ADAMTSL1: variants seen among roughly 807,000 people sequenced by gnomAD.
ADAMTSL1 encodes ADAMTS-like protein 1.
Under a neutral mutation model 201.8 loss-of-function variants are expected in ADAMTSL1, and 126 were observed. That is an observed-to-expected ratio of 0.62 (90% CI 0.54 to 0.72). The LOEUF (loss-of-function observed/expected upper bound fraction) is 0.72, where lower values mean the gene tolerates loss of function less well. Among genes scored for constraint, ADAMTSL1 ranks in the 30% least tolerant of loss-of-function variants. The pLI, the probability that ADAMTSL1 is intolerant of heterozygous loss-of-function variation, is 0.00. For synonymous variants in ADAMTSL1, 1,121 were observed against 903.4 expected (o/e 1.24, Z -4.32); for missense variants, 2,679 against 2,277.8 (o/e 1.18, Z -3.59).
chr9:18,563,331 G>A (rs35140301), intron 3 of ADAMTSL1, among the ~76,000 whole-genome samples: 38,650 of 152,080 alleles, frequency 0.25, 5,662 homozygotes, highest in Admixed American at 0.35. Flanking sequence ...CCTGGGTATC[G>A]GCAGCGGAGG....
intron 15 of ADAMTSL1, among the ~76,000 whole-genome samples, chr9:18,724,610 G>T (rs971168961): frequency 6.6e-6 from 1 of 152,182 alleles, no homozygotes; most frequent in African/African-American, 2.4e-5. Flanking sequence ...TAGAGTTCTT[G>T]CTATCAGCTT....
intron 1 of ADAMTSL1, among the ~76,000 whole-genome samples, chr9:18,131,549 T>A (rs1275075373): frequency 6.6e-6 from 1 of 152,192 alleles, no homozygotes; most frequent in Non-Finnish European, 1.5e-5. Context: ...GAGATTTCAC[T>A]TTGAGCTTCC....
At chr9:17,943,963 C>G (rs1827347455) in intron 1 of ADAMTSL1, among the ~76,000 whole-genome samples, 1 of 151,538 alleles carries the variant, frequency 6.6e-6, no homozygotes, top group Non-Finnish European at 1.5e-5. Flanking sequence ...GAGAGAGGTG[C>G]CACACACCTT....
chr9:18,711,929 G>T (rs1221039854), intron 14 of ADAMTSL1, among the ~76,000 whole-genome samples: 1 of 141,922 alleles, frequency 7.0e-6, no homozygotes, highest in South Asian at 2.2e-4. Context: ...CCTCAAGTGG[G>T]TCCCTGACCC....
chr9:18,693,123 G>T (rs1831334334), intron 13 of ADAMTSL1, among the ~76,000 whole-genome samples: 1 of 152,164 alleles, frequency 6.6e-6, no homozygotes, highest in Non-Finnish European at 1.5e-5. Flanking sequence ...TCTAACCTAG[G>T]AACAGTTCCA....
rs7870373 is a variant in ADAMTSL1, at chr9:18,299,563, C to T, written c.207+135582C>T. Among the ~76,000 whole-genome samples the T allele has an allele frequency of 4.9e-4, 75 of 152,244 alleles. 1 individual carries two copies. The highest frequency in any genetic ancestry group is 1.0e-3 in the African/African-American group (42 of 41,538). ...AGAACACAAGGAACAGGCTTATTTACGACTCCTGCCGTGTCCTCTCAGGGG... is the reference window on the plus strand; with the variant it reads ...AGAACACAAGGAACAGGCTTATTTATGACTCCTGCCGTGTCCTCTCAGGGG... On this transcript the variant is annotated intron_variant, in intron 2 of 29. Transcript: ENST00000680146.
At chr9:18,182,366 G>A (rs542287512) in intron 2 of ADAMTSL1, among the ~76,000 whole-genome samples, 4 of 151,930 alleles carry the variant, frequency 2.6e-5, no homozygotes, top group African/African-American at 9.6e-5. Flanking sequence ...ACCCTTTGAA[G>A]GATGACTTCT....
chr9:18,595,464 A>G (rs968656080), intron 4 of ADAMTSL1, among the ~76,000 whole-genome samples: 3 of 152,140 alleles, frequency 2.0e-5, no homozygotes, highest in African/African-American at 7.2e-5. Context: ...GTCTTAGCTC[A>G]GAAAAGTAAG....
intron 16 of ADAMTSL1, among the ~76,000 whole-genome samples, chr9:18,759,220 C>T (rs1490697507): frequency 6.6e-6 from 1 of 152,144 alleles, no homozygotes; most frequent in Admixed American, 6.6e-5. Flanking sequence ...CCCTCTAAAC[C>T]TTTCTTAATC....
At chr9:18,798,981 G>T (rs1400356596) in intron 20 of ADAMTSL1, among the ~76,000 whole-genome samples, 1 of 151,380 alleles carries the variant, frequency 6.6e-6, no homozygotes, top group African/African-American at 2.4e-5. Context: ...ATTACGTGCT[G>T]ATTTTATCTT....
At chr9:18,564,369 A>G (rs941043602) in intron 3 of ADAMTSL1, among the ~76,000 whole-genome samples, 3 of 151,906 alleles carry the variant, frequency 2.0e-5, no homozygotes, top group Non-Finnish European at 4.4e-5. Context: ...CAGTGAGATG[A>G]CCGGGGTACC....
chr9:18,389,850 G>C (rs575229989), intron 2 of ADAMTSL1, among the ~76,000 whole-genome samples: 15 of 152,174 alleles, frequency 9.9e-5, no homozygotes, highest in African/African-American at 3.6e-4. Flanking sequence ...AATATTTACA[G>C]ATATATAGCT....
intron 2 of ADAMTSL1, among the ~76,000 whole-genome samples, chr9:18,382,838 A>G (rs1837616334): frequency 6.6e-6 from 1 of 152,186 alleles, no homozygotes; most frequent in Non-Finnish European, 1.5e-5. Context: ...GCTCATTATA[A>G]CACAGCTCTG....
intron 1 of ADAMTSL1, among the ~76,000 whole-genome samples, chr9:18,031,384 T>G (rs1332007350): frequency 6.8e-6 from 1 of 147,886 alleles, no homozygotes; most frequent in Non-Finnish European, 1.5e-5. Flanking sequence ...GTTGATTGGC[T>G]TTTTTTCTGG....
intron 20 of ADAMTSL1, among the ~76,000 whole-genome samples, chr9:18,810,532 G>A (rs1823434831): frequency 6.6e-6 from 1 of 152,192 alleles, no homozygotes; most frequent in East Asian, 1.9e-4. Context: ...TTTAATGAAA[G>A]CAGAGAAGAG....
chr9:18,467,856 T>C (rs960454820), intron 2 of ADAMTSL1, among the ~76,000 whole-genome samples: 2 of 152,206 alleles, frequency 1.3e-5, no homozygotes, highest in African/African-American at 4.8e-5. Context: ...ATTTGGCTTT[T>C]GTATTTCAAT....
chr9:18,475,913 C>T (rs562968561), intron 1 of ADAMTSL1, among the ~76,000 whole-genome samples: 25 of 152,110 alleles, frequency 1.6e-4, no homozygotes, highest in African/African-American at 4.1e-4. Flanking sequence ...ATTTGGTAAA[C>T]GCATTATATC....
At chr9:18,104,645 C>A (rs950207326) in intron 1 of ADAMTSL1, among the ~76,000 whole-genome samples, 6 of 152,110 alleles carry the variant, frequency 3.9e-5, no homozygotes, top group Non-Finnish European at 7.4e-5. Flanking sequence ...GTTCAATATA[C>A]ACTCTTCAGG....
intron 4 of ADAMTSL1, among the ~76,000 whole-genome samples, chr9:18,588,556 C>G (rs1823672160): frequency 6.6e-6 from 1 of 151,746 alleles, no homozygotes; most frequent in Admixed American, 6.6e-5. Flanking sequence ...GGAGCATTTC[C>G]CTAATCTTTT....
Sources: gnomAD v4.1 joint callset for allele counts (sites outside exome capture counted in the v4.1 genomes callset) on GRCh38, gnomAD v4.1.1 for gene constraint, MANE v1.5 for transcripts, NCBI Gene and HGNC (gene_info 2026-07-23, HGNC 2026-07-21) for gene names.